Variants in PAWR observed in about 807,000 individuals in gnomAD.
PAWR encodes the protein pro-apoptotic WT1 regulator.
In PAWR, 23 loss-of-function variants were observed where a neutral mutation model predicts 32.0. That is an observed-to-expected ratio of 0.72 (90% CI 0.52 to 1.02). PAWR has a LOEUF of 1.02. Among genes scored for constraint, PAWR ranks in the 50% least tolerant of loss-of-function variants. The pLI is 0.00. For synonymous variants in PAWR, 226 were observed against 187.1 expected (o/e 1.21, Z -1.70); for missense variants, 457 against 437.7 (o/e 1.04, Z -0.39).
chr12:79,659,288 A>G (rs1877240134), intron 2 of PAWR, among the ~76,000 whole-genome samples: 1 of 151,790 alleles, frequency 6.6e-6, no homozygotes, highest in Non-Finnish European at 1.5e-5. Context: ...AGTGAGACTC[A>G]GTCTCAAAGA....
At chr12:79,613,080 T>C (rs964108225) in intron 4 of PAWR, among the ~76,000 whole-genome samples, 1 of 152,152 alleles carries the variant, frequency 6.6e-6, no homozygotes, top group African/African-American at 2.4e-5. Flanking sequence ...AAGCTTACTT[T>C]CCCTCTTCCT....
At chr12:79,655,153 T>G (rs150430320) in intron 2 of PAWR, among the ~76,000 whole-genome samples, 38 of 152,332 alleles carry the variant, frequency 2.5e-4, no homozygotes, top group African/African-American at 8.7e-4. Flanking sequence ...AAGAATAGAA[T>G]GTCAGGCCTT....
chr12:79,591,911 T>C lies in PAWR; in HGVS notation c.*696A>G, dbSNP rs1186700204. 2.0e-4 allele frequency: 30 copies of C among 152,564 alleles called. No homozygotes were observed. The highest frequency in any genetic ancestry group is 1.4e-3 in the Admixed American group (22 of 15,268). The allele number at this position is 152,564 out of a possible 1,614,324, so 9.5% of individuals were successfully genotyped here. ...TAGTACCTACATAAGAAATTTTACA[T>C]TGAAATTACAATTGTATGTTTTTCA... is the stretch of plus-strand genomic sequence containing the variant. On this transcript the variant is annotated 3_prime_UTR_variant, in exon 7 of 7. Coordinates refer to ENST00000328827, the MANE Select transcript of PAWR (RefSeq NM_002583.4).
At chr12:79,608,276 T>C (rs1874278286) in intron 4 of PAWR, among the ~76,000 whole-genome samples, 1 of 152,170 alleles carries the variant, frequency 6.6e-6, no homozygotes, top group African/African-American at 2.4e-5. Context: ...AACAGTTTCA[T>C]AGAAGACAAT....
chr12:79,647,123 C>T (rs1876612355), intron 2 of PAWR, among the ~76,000 whole-genome samples: 1 of 144,810 alleles, frequency 6.9e-6, no homozygotes, highest in African/African-American at 2.5e-5. Context: ...TGCAGTGAGC[C>T]AAGATCATGC....
In PAWR at chr12:79,690,221, G is replaced by C. The variant is rs920482937; in HGVS notation, c.24C>G (p.Thr8=). The C allele has an allele frequency of 7.2e-6, 11 of 1,521,942 alleles. No homozygotes were observed. The Admixed American group carries it at 1.8e-4, about 25-fold the overall frequency. 94.3% of individuals were successfully genotyped at this position (1,521,942 alleles called of 1,614,324 possible). The change falls in exon 2 of 7, where the codon ACC becomes ACG. Residue 8 remains threonine, a synonymous_variant. Coordinates refer to ENST00000328827, the MANE Select transcript of PAWR (RefSeq NM_002583.4). MATGGYR[T]SSGLGGSTTD... Reference sequence around the variant, plus strand: ...TGGTGCTGCCGCCGAGGCCGCTGCTGGTCCGGTAGCCACCGGTCGCCATAT... The same window carrying C: ...TGGTGCTGCCGCCGAGGCCGCTGCTCGTCCGGTAGCCACCGGTCGCCATAT...
chr12:79,633,174 A>G (rs1875796119), intron 2 of PAWR, among the ~76,000 whole-genome samples: 1 of 152,106 alleles, frequency 6.6e-6, no homozygotes, highest in African/African-American at 2.4e-5. Flanking sequence ...TCAAAATTAA[A>G]AACTTTTGCT....
At chr12:79,605,530 A>T (rs7305823) in intron 4 of PAWR, among the ~76,000 whole-genome samples, 32,263 of 149,372 alleles carry the variant, frequency 0.22, 8,829 homozygotes, top group African/African-American at 0.65. Context: ...TTTTTTTTTT[A>T]AAAAAAAAGC....
intron 2 of PAWR, among the ~76,000 whole-genome samples, chr12:79,630,762 A>T (rs1015486974): frequency 7.9e-5 from 12 of 152,156 alleles, no homozygotes; most frequent in African/African-American, 2.9e-4. Context: ...TAAACTATCA[A>T]ACTTTTAAAG....
At chr12:79,645,210 G>T (rs919794987) in intron 2 of PAWR, among the ~76,000 whole-genome samples, 2 of 152,082 alleles carry the variant, frequency 1.3e-5, no homozygotes, top group African/African-American at 4.8e-5. Flanking sequence ...TTTCTTCAAA[G>T]AATTCATATA....
At chr12:79,653,486 T>C (rs1397919848) in intron 2 of PAWR, among the ~76,000 whole-genome samples, 3 of 152,114 alleles carry the variant, frequency 2.0e-5, no homozygotes, top group Non-Finnish European at 4.4e-5. Flanking sequence ...AGTGTTTTGT[T>C]TGTTTGTTTT....
chr12:79,603,456 C>T (rs564571602), intron 4 of PAWR, among the ~76,000 whole-genome samples: 2 of 152,006 alleles, frequency 1.3e-5, no homozygotes, highest in South Asian at 2.1e-4. Flanking sequence ...AAAAGAAGTC[C>T]AACTTTCTGC....
chr12:79,678,541 A>G (rs1308760543), intron 2 of PAWR, among the ~76,000 whole-genome samples: 1 of 152,270 alleles, frequency 6.6e-6, no homozygotes, highest in Non-Finnish European at 1.5e-5. Context: ...TGGGCAAGTC[A>G]TAACTTCTTT....
At chr12:79,601,207 ATTTTTTTT>A (rs534042888) in intron 4 of PAWR, among the ~76,000 whole-genome samples, 3 of 118,500 alleles carry the variant, frequency 2.5e-5, no homozygotes, top group Non-Finnish European at 5.1e-5. Flanking sequence ...GGAAACCTGA[ATTTTTTTT>A]TTTTTTTTTT....
rs940235676 is a variant in PAWR, at chr12:79,614,264, C to G, written c.649-655G>C. On this transcript the variant is annotated intron_variant, in intron 3 of 6. Coordinates refer to ENST00000328827, the MANE Select transcript of PAWR (RefSeq NM_002583.4). ...ACCTCGGGTGATCCGTCCACCTCAG[C>G]CTCCCAAAGTGCTGGGATTACAGGT... Among the ~76,000 whole-genome samples the G allele has an allele frequency of 4.0e-5, 6 of 151,598 alleles. No homozygotes were observed. The East Asian group carries it at 9.8e-4, about 25-fold the overall frequency.
chr12:79,616,184 T>A (rs1042266917), intron 3 of PAWR, among the ~76,000 whole-genome samples: 4 of 152,156 alleles, frequency 2.6e-5, no homozygotes, highest in African/African-American at 9.7e-5. Flanking sequence ...CTAAGGCGTA[T>A]GATGTCTGAC....
At chr12:79,672,621 G>C (rs932356534) in intron 2 of PAWR, among the ~76,000 whole-genome samples, 4 of 150,746 alleles carry the variant, frequency 2.7e-5, no homozygotes, top group African/African-American at 7.3e-5. Flanking sequence ...CTATCTCCCT[G>C]TTTTATCCTC....
At chr12:79,678,799 A>C (rs1451866333) in intron 2 of PAWR, among the ~76,000 whole-genome samples, 1 of 151,942 alleles carries the variant, frequency 6.6e-6, no homozygotes, top group Non-Finnish European at 1.5e-5. Flanking sequence ...CTGAGACCTA[A>C]AGCATAATAC....
intron 2 of PAWR, among the ~76,000 whole-genome samples, chr12:79,630,684 G>A (rs759052811): frequency 1.2e-4 from 18 of 152,028 alleles, no homozygotes; most frequent in Non-Finnish European, 4.4e-5. Context: ...TCAAGCAGGA[G>A]TATATAACCT....
Sources: allele counts gnomAD v4.1 joint callset (sites outside exome capture counted in the v4.1 genomes callset), GRCh38; gene constraint gnomAD v4.1.1; transcripts MANE v1.5; gene names NCBI Gene and HGNC (gene_info 2026-07-23, HGNC 2026-07-21).